Variants in SLC1A7 observed in about 807,000 individuals in gnomAD.
The protein encoded by SLC1A7 is solute carrier family 1 member 7, also known as excitatory amino acid transporter 5.
SLC1A7 carries 40 observed loss-of-function variants against 47.7 expected under a neutral mutation model. That is an observed-to-expected ratio of 0.84 (90% CI 0.65 to 1.09). The LOEUF is 1.09. SLC1A7 is among the 50% of genes least tolerant of loss of function. SLC1A7 has a pLI of 0.00. For synonymous variants in SLC1A7, 323 were observed against 325.6 expected, an observed-to-expected ratio of 0.99 and a Z score of 0.09; for missense variants, 746 against 769.5, an observed-to-expected ratio of 0.97 and a Z score of 0.36.
chr1:53,128,939 G>A (rs1431988152), intron 2 of SLC1A7, among the ~76,000 whole-genome samples: 2 of 141,332 alleles, frequency 1.4e-5, no homozygotes, highest in Non-Finnish European at 3.1e-5. Flanking sequence ...AGCACTTTGG[G>A]AGGCCAAGGT....
intron 5 of SLC1A7, among the ~76,000 whole-genome samples, chr1:53,098,426 G>A (rs1017497740): frequency 1.7e-4 from 25 of 149,828 alleles, no homozygotes; most frequent in Admixed American, 3.3e-4. Context: ...CACTCACACC[G>A]CCTCAGTACA....
chr1:53,141,463 T>A (rs1312245479), intron 1 of SLC1A7, among the ~76,000 whole-genome samples: 1 of 152,046 alleles, frequency 6.6e-6, no homozygotes, highest in Admixed American at 6.5e-5. Context: ...GTTTAACTAG[T>A]GGCAGAATGA....
chr1:53,130,064 T>C (rs554615795), intron 2 of SLC1A7, among the ~76,000 whole-genome samples: 22 of 152,296 alleles, frequency 1.4e-4, no homozygotes, highest in African/African-American at 5.3e-4. Flanking sequence ...TCCCCCATTG[T>C]GTGGCATGCC....
At chr1:53,120,407 G>A (rs1279721356) in intron 2 of SLC1A7, among the ~76,000 whole-genome samples, 1 of 152,138 alleles carries the variant, frequency 6.6e-6, no homozygotes, top group Admixed American at 6.5e-5. Flanking sequence ...CCCAGCTGCC[G>A]GATGCCCCTC....
chr1:53,123,375 T>C (rs1224473776), intron 2 of SLC1A7, among the ~76,000 whole-genome samples: 1 of 152,086 alleles, frequency 6.6e-6, no homozygotes, highest in Admixed American at 6.5e-5. Context: ...AGTGCAGCGG[T>C]TCTCCACAGA....
intron 5 of SLC1A7, among the ~76,000 whole-genome samples, chr1:53,094,054 C>G (rs975932031): frequency 1.3e-5 from 2 of 152,244 alleles, no homozygotes; most frequent in African/African-American, 2.4e-5. Context: ...TGCCCGCTCT[C>G]CAAACAGCTT....
chr1:53,124,492 T>C (rs2150339716), intron 2 of SLC1A7, among the ~76,000 whole-genome samples: 1 of 152,324 alleles, frequency 6.6e-6, no homozygotes, highest in South Asian at 2.1e-4. Context: ...TTGGAGGCTC[T>C]AGCTGGATCC....
intron 1 of SLC1A7, among the ~76,000 whole-genome samples, chr1:53,139,985 CT>C (rs111799658): frequency 0.08 from 12,215 of 152,140 alleles, 601 homozygotes; most frequent in African/African-American, 0.14. Context: ...GATAAAAGTT[CT>C]TTTTCACAAA....
At chr1:53,100,597 A>T in intron 5 of SLC1A7, among the ~76,000 whole-genome samples, 1 of 150,366 alleles carries the variant, frequency 6.7e-6, no homozygotes, top group Admixed American at 6.6e-5. Context: ...CAGTACACTC[A>T]CACAACCTGC....
At chr1:53,118,416 T>G (rs1644785558) in intron 2 of SLC1A7, 1 of 152,232 alleles carries the variant, frequency 6.6e-6, no homozygotes. Context: ...TCTTCTTGTG[T>G]GATGGAGATG....
chr1:53,100,285 C>T (rs1644557797), intron 5 of SLC1A7, among the ~76,000 whole-genome samples: 1 of 150,796 alleles, frequency 6.6e-6, no homozygotes, highest in Non-Finnish European at 1.5e-5. Flanking sequence ...GCACACCCAA[C>T]CTTGGTACAC....
rs201010691 is a variant in SLC1A7, at chr1:53,142,365, C to T, written c.85G>A (p.Val29Met). ...AAGAAGAAGCCGAGGAGGCAGCCCACGATGACAGACAGCACAGACAGGATG... is the reference window on the plus strand; with the variant it reads ...AAGAAGAAGCCGAGGAGGCAGCCCATGATGACAGACAGCACAGACAGGATG... ...LLILSVLSVI[V>M]GCLLGFFLRT... is the part of the protein sequence containing the mutation. The change falls in exon 1 of 11, where the codon GTG becomes ATG. Residue 29 changes from valine to methionine, a missense_variant. Physicochemically the swap from Val to Met is conservative, Grantham distance 21. Coordinates refer to ENST00000371494, the MANE Select transcript of SLC1A7 (RefSeq NM_006671.6). The T allele has an allele frequency of 6.9e-5, 110 of 1,593,140 alleles. No individual in the cohort carries two copies. In the Middle Eastern group the frequency reaches 1.2e-3, roughly 17 times the overall value.
chr1:53,112,103 C>T (rs530513935), intron 3 of SLC1A7, among the ~76,000 whole-genome samples: 2 of 152,322 alleles, frequency 1.3e-5, no homozygotes, highest in East Asian at 1.9e-4. Context: ...TGGGCTTGGC[C>T]ACCTGACTTG....
Position 53,129,781 on chromosome 1 carries a change from T to C in SLC1A7, c.215+4569A>G, listed in dbSNP as rs960013512. Among the ~76,000 whole-genome samples the C allele has an allele frequency of 7.1e-5, 10 of 141,010 alleles. 3 individuals carry two copies. Among genetic ancestry groups the C allele is most frequent in the African/African-American group, 2.6e-5 (1 of 37,984 alleles). The allele number at this position is 141,010 out of a possible 152,430, so 92.5% of individuals were successfully genotyped here. A position where few individuals can be genotyped will look rare whatever the true frequency, so the allele number is the denominator to read the frequency against. On this transcript the variant is annotated intron_variant, in intron 2 of 10. Coordinates refer to ENST00000371494, the MANE Select transcript of SLC1A7 (RefSeq NM_006671.6). ...TTTACACCTCACCACCTCCCTTTGC[T>C]TGTTGTTTAGATCTCCAACTTCTGA...
chr1:53,128,027 C>T (rs187213931), intron 2 of SLC1A7, among the ~76,000 whole-genome samples: 13 of 152,242 alleles, frequency 8.5e-5, no homozygotes, highest in South Asian at 2.1e-4. Flanking sequence ...ATTTGTTACA[C>T]GGCAATGATA....
chr1:53,113,294 A>C (rs1037435754), intron 3 of SLC1A7, among the ~76,000 whole-genome samples: 5 of 152,046 alleles, frequency 3.3e-5, no homozygotes, highest in African/African-American at 7.2e-5. Flanking sequence ...CCTGTCCTGC[A>C]AGAGCCCCTC....
At chr1:53,091,048 A>C in intron 7 of SLC1A7, 1 of 1,196,870 alleles carries the variant, frequency 8.4e-7, no homozygotes, top group South Asian at 1.6e-5. Flanking sequence ...GGCGGGGCTG[A>C]CCCATGTCAC....
At chr1:53,128,023 T>C (rs1354484601) in intron 2 of SLC1A7, among the ~76,000 whole-genome samples, 2 of 152,160 alleles carry the variant, frequency 1.3e-5, no homozygotes, top group Non-Finnish European at 2.9e-5. Flanking sequence ...GATAATTTGT[T>C]ACACGGCAAT....
chr1:53,115,766 G>C (rs1644752862), intron 2 of SLC1A7: 1 of 152,308 alleles, frequency 6.6e-6, no homozygotes, highest in Admixed American at 6.5e-5. Flanking sequence ...GGGCTGTGTT[G>C]AGAGGGCTGT....
Sources: allele counts gnomAD v4.1 joint callset (sites outside exome capture counted in the v4.1 genomes callset), GRCh38; gene constraint gnomAD v4.1.1; transcripts MANE v1.5; gene names NCBI Gene and HGNC (gene_info 2026-07-23, HGNC 2026-07-21).